FAM120C: variants seen among roughly 807,000 people sequenced by gnomAD.
The protein encoded by FAM120C is constitutive coactivator of PPAR-gamma-like protein 2.
A neutral mutation model predicts 71.2 loss-of-function variants in FAM120C; 14 were observed. The observed-to-expected ratio is 0.20, with a 90% confidence interval of 0.13 to 0.31. The LOEUF (loss-of-function observed/expected upper bound fraction) is 0.31, where lower values mean the gene tolerates loss of function less well. FAM120C is among the 10% of genes least tolerant of loss of function. The pLI is 1.00. For synonymous variants in FAM120C, 354 were observed against 353.2 expected (o/e 1.00, Z -0.03); for missense variants, 500 against 879.0 (o/e 0.57, Z 5.45).
chrX:54,171,526 A>C (rs2067288265), intron 1 of FAM120C: 1 of 112,487 alleles, frequency 8.9e-6, no homozygotes. Flanking sequence ...TAGAAAATTT[A>C]TCATTACACT....
At chrX:54,093,259 A>G (rs2066832912) in intron 10 of FAM120C, among the ~76,000 whole-genome samples, 2 of 112,152 alleles carry the variant, frequency 1.8e-5, no homozygotes, top group Admixed American at 1.9e-4. Context: ...ATCCTGAACC[A>G]CTGTGCAAGA....
At chrX:54,111,664 T>C (rs1557125759) in intron 10 of FAM120C, among the ~76,000 whole-genome samples, 1 of 111,926 alleles carries the variant, frequency 8.9e-6, no homozygotes, top group Non-Finnish European at 1.9e-5. Context: ...AAACAATTCA[T>C]ACCCATAGAT....
chrX:54,105,963 C>T (rs782759463), intron 10 of FAM120C, among the ~76,000 whole-genome samples: 12 of 111,802 alleles, frequency 1.1e-4, no homozygotes, highest in South Asian at 3.7e-4. Flanking sequence ...GAATCAATGT[C>T]GTGAAAATGG....
At chrX:54,139,421 C>T (rs1557131256) in intron 4 of FAM120C, among the ~76,000 whole-genome samples, 1 of 107,539 alleles carries the variant, frequency 9.3e-6, no homozygotes, top group African/African-American at 3.4e-5. Context: ...TCTCGGCTCA[C>T]TGCAACCTCC....
At chrX:54,083,478 C>CACACACACACACACACACA (rs782758591) in intron 13 of FAM120C, among the ~76,000 whole-genome samples, 1 of 101,752 alleles carries the variant, frequency 9.8e-6, no homozygotes, top group African/African-American at 3.9e-5. Context: ...CACACACACA[C>CACACACACACACACACACA]CAAAATATTA....
intron 9 of FAM120C, among the ~76,000 whole-genome samples, chrX:54,118,220 T>C (rs1268014353): frequency 9.7e-6 from 1 of 103,615 alleles, no homozygotes; most frequent in African/African-American, 3.6e-5. Context: ...TGAAACTCCA[T>C]CTAAAAAAAA....
chrX:54,075,222 C>T (rs2066729161), intron 15 of FAM120C, among the ~76,000 whole-genome samples: 1 of 111,935 alleles, frequency 8.9e-6, no homozygotes, highest in Non-Finnish European at 1.9e-5. Context: ...CATGTAACAA[C>T]TCTACAACAT....
At chrX:54,131,748 TTTTCTTTC>T (rs1291396219) in intron 9 of FAM120C, among the ~76,000 whole-genome samples, 13 of 106,868 alleles carry the variant, frequency 1.2e-4, no homozygotes, top group South Asian at 4.1e-4. Context: ...TGTTTTTCTT[TTTTCTTTC>T]TTTCTTTCTT....
At chrX:54,144,387 A>G (rs1557132125) in intron 4 of FAM120C, among the ~76,000 whole-genome samples, 1 of 112,240 alleles carries the variant, frequency 8.9e-6, no homozygotes, top group African/African-American at 3.2e-5. Context: ...CCCTGTTTGC[A>G]GATGACATGA....
intron 9 of FAM120C, among the ~76,000 whole-genome samples, chrX:54,130,902 G>A (rs1196474126): frequency 1.8e-5 from 2 of 111,515 alleles, no homozygotes; most frequent in African/African-American, 3.3e-5. Flanking sequence ...TGGGCTGCCA[G>A]TTTGTCCTAC....
chrX:54,105,402 C>T (rs1428415401), intron 10 of FAM120C, among the ~76,000 whole-genome samples: 4 of 111,410 alleles, frequency 3.6e-5, no homozygotes, highest in East Asian at 2.8e-4. Context: ...ATTGATGGAA[C>T]GTATCTCAAA....
At chrX:54,111,011 G>A (rs1387269337) in intron 10 of FAM120C, among the ~76,000 whole-genome samples, 1 of 108,279 alleles carries the variant, frequency 9.2e-6, no homozygotes, top group East Asian at 2.9e-4. Context: ...AGTGAGCCGA[G>A]ATCAAGCCAC....
At chrX:54,135,208 G>A (rs993867795) in intron 6 of FAM120C, 97 bp from the exon 7 acceptor site, 1 of 847,315 alleles carries the variant, frequency 1.2e-6, no homozygotes, top group South Asian at 2.7e-5. Context: ...TGCCAGCAGT[G>A]GAGATTGTTG....
At chrX:54,129,210 C>T (rs1405994490) in intron 9 of FAM120C, among the ~76,000 whole-genome samples, 1 of 107,599 alleles carries the variant, frequency 9.3e-6, no homozygotes, top group Non-Finnish European at 1.9e-5. Context: ...TGGAGACGCT[C>T]CTCACTTCCC....
chrX:54,099,551 C>A (rs1424035446), intron 10 of FAM120C, among the ~76,000 whole-genome samples: 1 of 111,791 alleles, frequency 8.9e-6, no homozygotes, highest in Non-Finnish European at 1.9e-5. Context: ...ATCAAAGAAA[C>A]CACTGCCTAA....
intron 9 of FAM120C, among the ~76,000 whole-genome samples, chrX:54,131,760 CTTTCTTTT>C (rs1360584973): frequency 8.0e-5 from 8 of 100,309 alleles, no homozygotes; most frequent in African/African-American, 3.0e-4. Flanking sequence ...TTCTTTCTTT[CTTTCTTTT>C]TTTTTTTTTT....
intron 12 of FAM120C, among the ~76,000 whole-genome samples, chrX:54,087,523 G>T (rs929974427): frequency 9.0e-5 from 10 of 110,867 alleles, no homozygotes; most frequent in Non-Finnish European, 1.5e-4. Flanking sequence ...TAAGAAAAAG[G>T]ATATGAAAAC....
intron 4 of FAM120C, among the ~76,000 whole-genome samples, chrX:54,142,241 G>C (rs2067129116): frequency 8.9e-6 from 1 of 111,751 alleles, no homozygotes; most frequent in African/African-American, 3.2e-5. Flanking sequence ...TTGTTGGACA[G>C]TGGGTGCTGG....
intron 4 of FAM120C, among the ~76,000 whole-genome samples, chrX:54,149,507 C>T (rs2067174266): frequency 9.1e-6 from 1 of 110,486 alleles, no homozygotes; most frequent in Non-Finnish European, 1.9e-5. Flanking sequence ...GGCGTGGTGG[C>T]GGGCGCCTGT....
Sources: gnomAD v4.1 joint callset for allele counts (sites outside exome capture counted in the v4.1 genomes callset) on GRCh38, gnomAD v4.1.1 for gene constraint, MANE v1.5 for transcripts, NCBI Gene and HGNC (gene_info 2026-07-23, HGNC 2026-07-21) for gene names.